GPR137C: variants seen among roughly 807,000 people sequenced by gnomAD.
GPR137C encodes G protein-coupled receptor 137C.
A neutral mutation model predicts 43.4 loss-of-function variants in GPR137C; 27 were observed. The ratio of observed to expected loss-of-function variants is 0.62; its 90% CI spans 0.46 to 0.86. The LOEUF is 0.86. GPR137C is among the 40% of genes least tolerant of loss of function. The probability of loss-of-function intolerance (pLI) is 0.00; values close to 1 mark genes in which losing one functional copy is unlikely to be tolerated. For missense variants in GPR137C, 522 were observed against 534.6 expected, an observed-to-expected ratio of 0.98 and a Z score of 0.23; for synonymous variants, 285 against 226.9, an observed-to-expected ratio of 1.26 and a Z score of -2.30.
intron 1 of GPR137C, among the ~76,000 whole-genome samples, chr14:52,557,172 T>A (rs1566599530): frequency 6.6e-6 from 1 of 152,208 alleles, no homozygotes. Context: ...TAAGAAGGAA[T>A]ATTTTACATA....
rs138238263 is a variant in GPR137C at position 52,574,617 on chromosome 14, A to G, written c.444+21026A>G. Among the ~76,000 whole-genome samples the G allele has an allele frequency of 4.2e-3, 634 of 152,304 alleles. 5 individuals are homozygous for G. Among genetic ancestry groups the G allele is most frequent in the African/African-American group, 0.014 (597 of 41,562 alleles). ...TTAGGAGAGATACCTAATGTAGATGACAGGTTGATGGGTGCAGCAAACCAC... is the reference window on the plus strand; with the variant it reads ...TTAGGAGAGATACCTAATGTAGATGGCAGGTTGATGGGTGCAGCAAACCAC... On this transcript the variant is annotated intron_variant, in intron 1 of 6. Coordinates refer to ENST00000321662, the MANE Select transcript of GPR137C (RefSeq NM_001099652.2).
At chr14:52,566,117 C>A (rs1281092562) in intron 1 of GPR137C, among the ~76,000 whole-genome samples, 1 of 152,070 alleles carries the variant, frequency 6.6e-6, no homozygotes, top group Non-Finnish European at 1.5e-5. Flanking sequence ...ATACATAACA[C>A]GTTAAAACTG....
At chr14:52,561,695 A>T (rs1393536154) in intron 1 of GPR137C, among the ~76,000 whole-genome samples, 1 of 152,234 alleles carries the variant, frequency 6.6e-6, no homozygotes, top group Non-Finnish European at 1.5e-5. Flanking sequence ...TCTCAAAATC[A>T]GTATGCTGAA....
At chr14:52,588,238 G>A (rs1331187006) in intron 1 of GPR137C, among the ~76,000 whole-genome samples, 3 of 152,128 alleles carry the variant, frequency 2.0e-5, no homozygotes, top group Non-Finnish European at 4.4e-5. Flanking sequence ...TCTGCCTCCC[G>A]AGTTCAGGCA....
Position 52,580,766 on chromosome 14 carries a change from T to A in GPR137C, c.445-17506T>A, listed in dbSNP as rs553155973. 3.4e-5 allele frequency among the ~76,000 whole-genome samples: 5 copies of A among 147,918 alleles called. No homozygotes were observed. The South Asian group carries it at 6.3e-4, about 19-fold the overall frequency. On this transcript the variant is annotated intron_variant, in intron 1 of 6. Transcript: ENST00000321662. The stretch of plus-strand genomic sequence containing the variant: ...AATAGGCTGCTGTAAATATATATAT[T>A]TTTTAGTATATATATCTACTAAATA...
chr14:52,608,786 A>C (rs1385570672), intron 3 of GPR137C, among the ~76,000 whole-genome samples: 2 of 152,048 alleles, frequency 1.3e-5, no homozygotes, highest in African/African-American at 2.4e-5. Flanking sequence ...TCTGCTGAGA[A>C]GTCTGCTGCC....
At chr14:52,626,993 T>C (rs117459351) in intron 3 of GPR137C, among the ~76,000 whole-genome samples, 1 of 152,188 alleles carries the variant, frequency 6.6e-6, no homozygotes, top group South Asian at 2.1e-4. Context: ...AGATATACCA[T>C]GTTCGTGGAT....
chr14:52,553,497 C>T lies in GPR137C; in HGVS notation c.350C>T (p.Ala117Val). The T allele has an allele frequency of 2.5e-6, 4 of 1,609,116 alleles. No individual in the cohort carries two copies. The highest frequency in any genetic ancestry group is 3.4e-6 in the Non-Finnish European group (4 of 1,179,776). The change falls in exon 1 of 7, where the codon GCT (alanine) becomes GTT (valine). Residue 117 changes from alanine to valine, a missense_variant. Physicochemically the swap from Ala to Val is moderately conservative, Grantham distance 64 (BLOSUM62 0). Transcript: ENST00000321662. ...SGSLPLLRPP[A>V]HLHFFPHWLL... ...TCCCTGCCCTTGCTCCGGCCGCCCGCTCACCTGCACTTCTTCCCCCACTGG... is the reference window on the plus strand; with the variant it reads ...TCCCTGCCCTTGCTCCGGCCGCCCGTTCACCTGCACTTCTTCCCCCACTGG...
chr14:52,633,702 T>G, intron 5 of GPR137C, 47 bp downstream of exon 5: 3 of 1,591,492 alleles, frequency 1.9e-6, no homozygotes, highest in Non-Finnish European at 1.7e-6. Flanking sequence ...TTTTAAAAAT[T>G]ATGGAACATT....
chr14:52,621,444 A>G (rs1447850368), intron 3 of GPR137C, among the ~76,000 whole-genome samples: 1 of 151,914 alleles, frequency 6.6e-6, no homozygotes, highest in Non-Finnish European at 1.5e-5. Flanking sequence ...AAGAAATAAA[A>G]CCAGCTTGAA....
At chr14:52,610,606 T>C (rs1231734656) in intron 3 of GPR137C, among the ~76,000 whole-genome samples, 1 of 152,188 alleles carries the variant, frequency 6.6e-6, no homozygotes, top group Non-Finnish European at 1.5e-5. Context: ...ACATATCGGG[T>C]TTGGTACTAT....
intron 3 of GPR137C, among the ~76,000 whole-genome samples, chr14:52,625,024 A>G (rs2039205942): frequency 6.6e-6 from 1 of 152,180 alleles, no homozygotes; most frequent in African/African-American, 2.4e-5. Context: ...AGAAGATGAA[A>G]TTGTATTTTA....
intron 3 of GPR137C, among the ~76,000 whole-genome samples, chr14:52,618,408 G>A (rs1304393349): frequency 3.3e-5 from 5 of 152,208 alleles, no homozygotes; most frequent in African/African-American, 9.6e-5. Context: ...CATTTTAAGT[G>A]TGCCTCACTA....
At chr14:52,608,261 CT>C (rs1195764297) in intron 3 of GPR137C, among the ~76,000 whole-genome samples, 1 of 151,928 alleles carries the variant, frequency 6.6e-6, no homozygotes, top group African/African-American at 2.4e-5. Context: ...TTTAGTGTAT[CT>C]GTTATAGATT....
At chr14:52,598,813 T>A (rs1489483620) in intron 2 of GPR137C, among the ~76,000 whole-genome samples, 6 of 152,236 alleles carry the variant, frequency 3.9e-5, no homozygotes, top group African/African-American at 1.4e-4. Context: ...ACTCTAATTA[T>A]CTGGATATGT....
chr14:52,620,281 TTA>T (rs1387955803), intron 3 of GPR137C, among the ~76,000 whole-genome samples: 1 of 151,990 alleles, frequency 6.6e-6, no homozygotes, highest in Non-Finnish European at 1.5e-5. Flanking sequence ...ACCCATACTC[TTA>T]TTATAAAGTC....
intron 1 of GPR137C, among the ~76,000 whole-genome samples, chr14:52,563,026 C>A (rs1321262875): frequency 2.0e-5 from 3 of 152,182 alleles, no homozygotes; most frequent in Non-Finnish European, 4.4e-5. Context: ...CCCCATCAGT[C>A]TACAAAATAG....
chr14:52,632,084 C>T, intron 3 of GPR137C, 76 bp from the exon 4 acceptor site: 1 of 934,254 alleles, frequency 1.1e-6, no homozygotes, highest in Non-Finnish European at 1.7e-6. Flanking sequence ...AAGAGGTGAC[C>T]ATATTGTATG....
At chr14:52,616,347 G>T (rs999994934) in intron 3 of GPR137C, among the ~76,000 whole-genome samples, 1 of 152,174 alleles carries the variant, frequency 6.6e-6, no homozygotes, top group African/African-American at 2.4e-5. Context: ...AGGCTGGAGT[G>T]CAGTGGCCCA....
Sources: allele counts gnomAD v4.1 joint callset (sites outside exome capture counted in the v4.1 genomes callset), GRCh38; gene constraint gnomAD v4.1.1; transcripts MANE v1.5; gene names NCBI Gene and HGNC (gene_info 2026-07-23, HGNC 2026-07-21).